The following SFXN1 variants were observed in gnomAD, a reference collection of about 807,000 sequenced individuals.
The protein encoded by SFXN1 is sideroflexin 1.
In SFXN1, 32 loss-of-function variants were observed where a neutral mutation model predicts 39.5. That is an observed-to-expected ratio of 0.81 (90% CI 0.61 to 1.09). The LOEUF (loss-of-function observed/expected upper bound fraction) is 1.09, where lower values mean the gene tolerates loss of function less well. Ranked by LOEUF, SFXN1 falls within the 50% of genes least tolerant of loss-of-function variation. The pLI is 0.00. For synonymous variants in SFXN1, 136 were observed against 146.5 expected (o/e 0.93, Z 0.52); for missense variants, 402 against 407.1 (o/e 0.99, Z 0.11).
At position 175,502,782 on chromosome 5, in the gene SFXN1, G is replaced by A. The variant is rs572602007; in HGVS notation, c.165-6250G>A. On this transcript the variant is annotated intron_variant, in intron 2 of 10. Transcript: ENST00000321442. ...CTTGAACCCGGGAAGCAAAGGTTGCGATGAGCCAAGATCACGCCATTGCAC... is the reference window on the plus strand; with the variant it reads ...CTTGAACCCGGGAAGCAAAGGTTGCAATGAGCCAAGATCACGCCATTGCAC... Among the ~76,000 whole-genome samples, 365 of 152,054 alleles carry A rather than the reference G, an allele frequency of 2.4e-3. 1 individual carries two copies. Among genetic ancestry groups the A allele is most frequent in the South Asian group, 7.7e-3 (37 of 4,812 alleles).
chr5:175,485,105 G>T (rs1581260582), intron 1 of SFXN1, among the ~76,000 whole-genome samples: 1 of 152,188 alleles, frequency 6.6e-6, no homozygotes, highest in Non-Finnish European at 1.5e-5. Context: ...TGGCATTCCT[G>T]ATTAGTCTGT....
At chr5:175,514,936 T>G (rs184291285) in intron 7 of SFXN1, among the ~76,000 whole-genome samples, 1 of 152,156 alleles carries the variant, frequency 6.6e-6, no homozygotes, top group East Asian at 1.9e-4. Context: ...CCCACCCCGG[T>G]GTTCCTACTG....
At chr5:175,494,127 A>G (rs377744280) in intron 2 of SFXN1, among the ~76,000 whole-genome samples, 1 of 152,222 alleles carries the variant, frequency 6.6e-6, no homozygotes, top group East Asian at 1.9e-4. Context: ...ATTTCATAGC[A>G]ACAGAAAGTA....
At chr5:175,502,267 A>G (rs1760112146) in intron 2 of SFXN1, among the ~76,000 whole-genome samples, 1 of 152,126 alleles carries the variant, frequency 6.6e-6, no homozygotes, top group Non-Finnish European at 1.5e-5. Flanking sequence ...CCTAAACTGT[A>G]ATTTCTGATC....
In SFXN1 at chr5:175,511,431, A is replaced by G. The variant is rs771566506; in HGVS notation, c.435-20A>G. ...CTGACATGCCCTCGTCGTCCACACG[A>G]TATCCTTTTTTCTTTTCAGTGAGTT... On this transcript the variant is annotated intron_variant, in intron 4 of 10. Coordinates refer to ENST00000321442, the MANE Select transcript of SFXN1 (RefSeq NM_022754.7). 8 of 1,608,422 alleles carry G rather than the reference A, an allele frequency of 5.0e-6. No individual in the cohort carries two copies. The highest frequency in any genetic ancestry group is 6.8e-6 in the Non-Finnish European group (8 of 1,175,892).
rs1229823498 is a variant in SFXN1, at chr5:175,492,188, T to C, written c.85T>C (p.Phe29Leu). 2 of 1,614,022 alleles carry C rather than the reference T, an allele frequency of 1.2e-6. No individual in the cohort carries two copies. The highest frequency in any genetic ancestry group is 4.5e-5 in the East Asian group (2 of 44,884). Residue 29 changes from phenylalanine (F) to leucine (L), a missense_variant, in exon 2 of 11, where the codon TTC (phenylalanine) becomes CTC (leucine). By Grantham distance (22) the Phe-to-Leu change is conservative. Coordinates refer to ENST00000321442, the MANE Select transcript of SFXN1 (RefSeq NM_022754.7). ...TTTCATTGGACGAGCCAATCATTTC[T>C]TCACTGTAACTGACCCCAGGAACAT... The part of the protein sequence containing the change: ...STFIGRANHF[F>L]TVTDPRNILL...
At chr5:175,508,386 T>C (rs527911471) in intron 2 of SFXN1, among the ~76,000 whole-genome samples, 1 of 151,664 alleles carries the variant, frequency 6.6e-6, no homozygotes, top group African/African-American at 2.4e-5. Flanking sequence ...CCACAATGCC[T>C]GACTAGTTTT....
At chr5:175,515,715 A>T (rs1190023601) in intron 7 of SFXN1, among the ~76,000 whole-genome samples, 1 of 152,118 alleles carries the variant, frequency 6.6e-6, no homozygotes, top group Non-Finnish European at 1.5e-5. Flanking sequence ...AGCACCAGGG[A>T]CCCATTTCAT....
chr5:175,512,855 A>C (rs28475358), intron 6 of SFXN1, among the ~76,000 whole-genome samples: 2,965 of 152,308 alleles, frequency 0.019, 92 homozygotes, highest in African/African-American at 0.067. Flanking sequence ...AAAGTTGCTC[A>C]AATTTGCACA....
intron 1 of SFXN1, among the ~76,000 whole-genome samples, chr5:175,486,422 C>T (rs546177909): frequency 6.6e-6 from 1 of 152,306 alleles, no homozygotes; most frequent in Non-Finnish European, 1.5e-5. Context: ...AATCATTTTT[C>T]AGACTATCCA....
chr5:175,478,818 G>T (rs1436610033), intron 1 of SFXN1, among the ~76,000 whole-genome samples, 179 bp downstream of exon 1: 4 of 151,524 alleles, frequency 2.6e-5, no homozygotes, highest in East Asian at 3.9e-4. Flanking sequence ...CGGGGGGGGG[G>T]TCCCTGCACC....
At chr5:175,497,155 C>T (rs1408789076) in intron 2 of SFXN1, among the ~76,000 whole-genome samples, 4 of 152,156 alleles carry the variant, frequency 2.6e-5, no homozygotes, top group Admixed American at 1.3e-4. Context: ...TCCCAAAGTC[C>T]TGGAATTACA....
intron 7 of SFXN1, among the ~76,000 whole-genome samples, chr5:175,516,304 A>G (rs1292549897): frequency 6.6e-6 from 1 of 152,216 alleles, no homozygotes; most frequent in Admixed American, 6.5e-5. Flanking sequence ...TTATTAATAT[A>G]GGAAGAAAAA....
At chr5:175,488,258 C>G (rs1485809105) in intron 1 of SFXN1, among the ~76,000 whole-genome samples, 1 of 152,176 alleles carries the variant, frequency 6.6e-6, no homozygotes, top group Non-Finnish European at 1.5e-5. Context: ...CTCACTCCGC[C>G]CCAGCTCATG....
Position 175,521,866 on chromosome 5 carries a change from G to A in SFXN1, c.775-53G>A, listed in dbSNP as rs1760889718. 30 of 1,365,406 alleles carry A rather than the reference G, an allele frequency of 2.2e-5. No homozygotes were observed. The South Asian group carries it at 4.3e-4, about 19-fold the overall frequency. The allele number at this position is 1,365,406 out of a possible 1,614,324, so 84.6% of individuals were successfully genotyped here. On this transcript the variant is annotated intron_variant, in intron 8 of 10. Transcript: ENST00000321442. ...TCCTTCCAGTTAATCAGAAGATATT[G>A]CCTCTAAGACCCTGTATAAAAAGTA...
At chr5:175,516,548 G>GAA in intron 7 of SFXN1, 66 bp from the exon 8 acceptor site, 8 of 1,417,530 alleles carry the variant, frequency 5.6e-6, no homozygotes, top group South Asian at 2.5e-5. Flanking sequence ...TCAAATGGTT[G>GAA]AAAAAAAAAG....
intron 1 of SFXN1, chr5:175,484,338 C>G (rs1239759046): frequency 6.6e-6 from 1 of 152,446 alleles, no homozygotes; most frequent in East Asian, 1.9e-4. Flanking sequence ...AAAGGCCATT[C>G]CTGCACAATC....
In SFXN1 at chr5:175,484,720, G is replaced by T. The variant is rs184357708; in HGVS notation, c.-10+6081G>T. On this transcript the variant is annotated intron_variant, in intron 1 of 10. Coordinates refer to ENST00000321442, the MANE Select transcript of SFXN1 (RefSeq NM_022754.7). ...CGTAAGGAGCGCTCCGTGTCAGCGC[G>T]CTTGCTAGACCCCATTGATTTTTAG... Among the ~76,000 whole-genome samples, 4 of 152,340 alleles carry T rather than the reference G, an allele frequency of 2.6e-5. No homozygotes were observed. The East Asian group carries it at 7.7e-4, about 29-fold the overall frequency.
intron 4 of SFXN1, 170 bp downstream of exon 4, chr5:175,510,377 T>A: frequency 1.7e-6 from 1 of 598,938 alleles, no homozygotes. Flanking sequence ...AAGTGTTTCA[T>A]TTTCTCTCTC....
Sources: allele counts gnomAD v4.1 joint callset (sites outside exome capture counted in the v4.1 genomes callset), GRCh38; gene constraint gnomAD v4.1.1; transcripts MANE v1.5; gene names NCBI Gene and HGNC (gene_info 2026-07-23, HGNC 2026-07-21).